Variants in CDH2 observed in about 807,000 individuals in gnomAD.
CDH2 encodes the protein cadherin 2, also known as cadherin-2.
In CDH2, 17 loss-of-function variants were observed where a neutral mutation model predicts 92.0. The ratio of observed to expected loss-of-function variants is 0.18; its 90% CI spans 0.13 to 0.28. The LOEUF is 0.28. Ranked by LOEUF, CDH2 falls within the 10% of genes least tolerant of loss-of-function variation. The pLI is 1.00. For synonymous variants in CDH2, 419 were observed against 415.9 expected (o/e 1.01, Z -0.09); for missense variants, 862 against 1,133.1 (o/e 0.76, Z 3.44).
chr18:28,052,705 C>A (rs1254983458), intron 2 of CDH2, among the ~76,000 whole-genome samples: 1 of 152,138 alleles, frequency 6.6e-6, no homozygotes, highest in Non-Finnish European at 1.5e-5. Context: ...GACGAAGTGG[C>A]CAGACATTCT....
intron 2 of CDH2, among the ~76,000 whole-genome samples, chr18:28,109,591 T>C (rs1371448706): frequency 1.3e-5 from 2 of 152,188 alleles, no homozygotes; most frequent in African/African-American, 4.8e-5. Flanking sequence ...AACTCTGCAC[T>C]GTTATTCTCA....
At chr18:28,071,203 G>A (rs8095946) in intron 2 of CDH2, among the ~76,000 whole-genome samples, 9,678 of 151,728 alleles carry the variant, frequency 0.064, 1,032 homozygotes, top group African/African-American at 0.22. Flanking sequence ...TTTCTTTCAC[G>A]GTTTTCTGCC....
intron 15 of CDH2, among the ~76,000 whole-genome samples, chr18:27,961,333 T>C (rs2011398525): frequency 6.6e-6 from 1 of 151,760 alleles, no homozygotes; most frequent in South Asian, 2.1e-4. Flanking sequence ...ATAACTCACA[T>C]ACTGAGTGGG....
At chr18:28,099,524 CA>C (rs1445781597) in intron 2 of CDH2, among the ~76,000 whole-genome samples, 2 of 152,104 alleles carry the variant, frequency 1.3e-5, no homozygotes, top group African/African-American at 2.4e-5. Flanking sequence ...AACACTTCCA[CA>C]TCAATTAAAA....
chr18:27,979,778 A>G (rs9947576), intron 14 of CDH2, among the ~76,000 whole-genome samples: 26,640 of 152,132 alleles, frequency 0.18, 2,572 homozygotes, highest in East Asian at 0.38. Context: ...GGTGACAGAA[A>G]TAAAAAAGAG....
intron 1 of CDH2, among the ~76,000 whole-genome samples, chr18:28,148,967 T>C (rs1042539150): frequency 2.6e-5 from 4 of 152,190 alleles, no homozygotes; most frequent in Non-Finnish European, 5.9e-5. Flanking sequence ...GTATTTATTC[T>C]CAAAAAATTT....
At chr18:28,087,094 C>T (rs767038500) in intron 2 of CDH2, among the ~76,000 whole-genome samples, 8 of 152,138 alleles carry the variant, frequency 5.3e-5, no homozygotes, top group African/African-American at 2.4e-5. Flanking sequence ...GCCAAGCTTA[C>T]GACTGCATCC....
At chr18:28,008,742 T>C (rs892802857) in intron 5 of CDH2, among the ~76,000 whole-genome samples, 1 of 147,370 alleles carries the variant, frequency 6.8e-6, no homozygotes, top group East Asian at 2.0e-4. Flanking sequence ...TAAAGTATAA[T>C]ATAAAAAAAA....
At chr18:27,970,380 T>A (rs576412292) in intron 14 of CDH2, among the ~76,000 whole-genome samples, 47 of 152,328 alleles carry the variant, frequency 3.1e-4, no homozygotes, top group African/African-American at 1.1e-3. Context: ...AGCCACTCTA[T>A]CTCAGCATGA....
At chr18:28,018,086 A>C (rs2013302480) in intron 2 of CDH2, among the ~76,000 whole-genome samples, 1 of 152,010 alleles carries the variant, frequency 6.6e-6, no homozygotes, top group Admixed American at 6.6e-5. Flanking sequence ...ATGTACACAA[A>C]TCAGTAGTTC....
chr18:28,077,128 C>T (rs1400049029), intron 2 of CDH2, among the ~76,000 whole-genome samples: 2 of 152,074 alleles, frequency 1.3e-5, no homozygotes, highest in Admixed American at 6.5e-5. Context: ...GTTAATTTTG[C>T]CTTTCCTATT....
intron 1 of CDH2, among the ~76,000 whole-genome samples, chr18:28,164,277 T>C (rs1158234020): frequency 1.3e-5 from 2 of 152,174 alleles, no homozygotes; most frequent in African/African-American, 4.8e-5. Flanking sequence ...AAAATAACCT[T>C]GTGCAGCTCA....
intron 2 of CDH2, among the ~76,000 whole-genome samples, chr18:28,019,372 AAG>A (rs1392156334): frequency 6.6e-6 from 1 of 151,938 alleles, no homozygotes; most frequent in Non-Finnish European, 1.5e-5. Flanking sequence ...GAAGGAAAGA[AAG>A]AGAAAAGAAA....
At chr18:28,109,631 T>C (rs1408988835) in intron 2 of CDH2, among the ~76,000 whole-genome samples, 2 of 152,156 alleles carry the variant, frequency 1.3e-5, no homozygotes, top group Non-Finnish European at 2.9e-5. Flanking sequence ...TTATTGCAAA[T>C]TTCAGTATCA....
chr18:28,016,854 T>C (rs2013262440), intron 2 of CDH2, among the ~76,000 whole-genome samples: 1 of 152,158 alleles, frequency 6.6e-6, no homozygotes, highest in African/African-American at 2.4e-5. Context: ...AAAAGAAATC[T>C]TTTTCTGTGT....
At chr18:27,962,225 G>T (rs1219287559) in intron 15 of CDH2, among the ~76,000 whole-genome samples, 1 of 152,152 alleles carries the variant, frequency 6.6e-6, no homozygotes, top group Non-Finnish European at 1.5e-5. Context: ...CTGGCATTCT[G>T]TTGTTTTTGC....
intron 2 of CDH2, among the ~76,000 whole-genome samples, chr18:28,120,564 A>G (rs2015570764): frequency 1.3e-5 from 2 of 152,118 alleles, no homozygotes; most frequent in South Asian, 4.1e-4. Context: ...TATTTCCTGT[A>G]ATGGTACATG....
intron 14 of CDH2, among the ~76,000 whole-genome samples, chr18:27,980,819 A>G (rs1037105043): frequency 4.0e-5 from 6 of 151,838 alleles, no homozygotes; most frequent in Admixed American, 2.0e-4. Flanking sequence ...AAAAACCCCA[A>G]AAGCCAAAAG....
At chr18:28,169,052 G>A (rs1231238) in intron 1 of CDH2, among the ~76,000 whole-genome samples, 6,166 of 152,176 alleles carry the variant, frequency 0.041, 163 homozygotes, top group South Asian at 0.078. Context: ...ATCTCATAGA[G>A]TTACAGAAAC....
Sources: allele counts gnomAD v4.1 joint callset (sites outside exome capture counted in the v4.1 genomes callset), GRCh38; gene constraint gnomAD v4.1.1; transcripts MANE v1.5; gene names NCBI Gene and HGNC (gene_info 2026-07-23, HGNC 2026-07-21).